NRG1: variants seen among roughly 807,000 people sequenced by gnomAD.
NRG1 encodes pro-neuregulin-1, membrane-bound isoform.
NRG1 carries 18 observed loss-of-function variants against 63.8 expected under a neutral mutation model. The observed-to-expected ratio is 0.28, with a 90% CI of 0.19 to 0.42. The LOEUF (loss-of-function observed/expected upper bound fraction) is 0.42, where lower values mean the gene tolerates loss of function less well. NRG1 is among the 10% of genes least tolerant of loss of function. NRG1 has a pLI of 1.00. For synonymous variants in NRG1, 302 were observed against 301.3 expected (o/e 1.00, Z -0.02); for missense variants, 762 against 814.7 (o/e 0.94, Z 0.79).
chr8:31,723,033 A>T (rs1563329504), intron 1 of NRG1, among the ~76,000 whole-genome samples: 1 of 152,200 alleles, frequency 6.6e-6, no homozygotes, highest in Non-Finnish European at 1.5e-5. Context: ...GAAATCTTAT[A>T]TTGATGAACT....
chr8:31,904,681 A>G (rs765747446), intron 1 of NRG1, among the ~76,000 whole-genome samples: 6 of 152,214 alleles, frequency 3.9e-5, no homozygotes, highest in Non-Finnish European at 7.3e-5. Flanking sequence ...ATACATCATC[A>G]AATACTATGC....
intron 1 of NRG1, among the ~76,000 whole-genome samples, chr8:31,956,263 AG>A (rs1257438459): frequency 6.6e-6 from 1 of 152,066 alleles, no homozygotes; most frequent in African/African-American, 2.4e-5. Flanking sequence ...GATAAGTATG[AG>A]GTAATGTGAA....
intron 1 of NRG1, among the ~76,000 whole-genome samples, chr8:31,723,998 T>C (rs1279193644): frequency 6.6e-6 from 1 of 152,128 alleles, no homozygotes; most frequent in Non-Finnish European, 1.5e-5. Flanking sequence ...AGTCAGTATT[T>C]GCTTGGTCAC....
chr8:31,669,679 T>G (rs1476482639), intron 1 of NRG1, among the ~76,000 whole-genome samples: 2 of 152,244 alleles, frequency 1.3e-5, no homozygotes, highest in Non-Finnish European at 2.9e-5. Context: ...TGACTCTGAA[T>G]TTATATGCTA....
intron 1 of NRG1, among the ~76,000 whole-genome samples, chr8:32,031,392 A>C (rs1320895837): frequency 6.6e-6 from 1 of 151,974 alleles, no homozygotes; most frequent in African/African-American, 2.4e-5. Flanking sequence ...CTTACTCTTC[A>C]CTTTGTTGTT....
intron 1 of NRG1, among the ~76,000 whole-genome samples, chr8:31,991,808 T>A (rs1811142428): frequency 6.6e-6 from 1 of 151,958 alleles, no homozygotes; most frequent in African/African-American, 2.4e-5. Flanking sequence ...CTTTCTTTCA[T>A]TTTTTTCCCA....
At chr8:31,783,085 C>A (rs905537302) in intron 1 of NRG1, among the ~76,000 whole-genome samples, 1 of 151,976 alleles carries the variant, frequency 6.6e-6, no homozygotes, top group Non-Finnish European at 1.5e-5. Flanking sequence ...TGTATGCAGA[C>A]ATAAATATAG....
intron 1 of NRG1, among the ~76,000 whole-genome samples, chr8:31,813,516 C>CTTTTCTTTTTTTTTT: frequency 7.9e-5 from 8 of 101,210 alleles, no homozygotes; most frequent in African/African-American, 1.5e-4. Flanking sequence ...CTTTTCTTTT[C>CTTTTCTTTTTTTTTT]TTTTTTTTTT....
At chr8:32,028,591 T>G (rs914258375) in intron 1 of NRG1, among the ~76,000 whole-genome samples, 1 of 152,186 alleles carries the variant, frequency 6.6e-6, no homozygotes, top group Non-Finnish European at 1.5e-5. Flanking sequence ...CTTATAGTAG[T>G]GTACTGAATA....
intron 1 of NRG1, among the ~76,000 whole-genome samples, chr8:31,782,799 A>G (rs958305649): frequency 1.3e-5 from 2 of 152,174 alleles, no homozygotes; most frequent in African/African-American, 4.8e-5. Flanking sequence ...AGTAGTCTAA[A>G]TTGGGGTCTC....
Position 31,640,566 on chromosome 8 carries a change from C to T in NRG1, c.37+1135C>T. The T allele has an allele frequency of 6.2e-7, 1 of 1,611,894 alleles. No homozygotes were observed. The highest frequency in any genetic ancestry group is 8.5e-7 in the Non-Finnish European group (1 of 1,179,438). On this transcript the variant is annotated intron_variant, in intron 1 of 10. Transcript: ENST00000519301. This position sits in a 1 kb window ranked among gnomAD's most constrained non-coding sequence, Gnocchi z 6.3. ...GGACCTGGGGCCACCCCGCCTTCCC[C>T]TCCTGCGGGAGGCTCAAGGAGGACA... is the stretch of plus-strand genomic sequence containing the variant.
intron 1 of NRG1, among the ~76,000 whole-genome samples, chr8:31,883,040 G>A (rs1830468141): frequency 1.3e-5 from 2 of 152,070 alleles, no homozygotes; most frequent in South Asian, 4.1e-4. Flanking sequence ...ATTGTGGGTA[G>A]CATGCTATCA....
chr8:31,903,799 A>G lies in NRG1; in HGVS notation c.37+264368A>G, dbSNP rs560022400. Among the ~76,000 whole-genome samples the G allele has an allele frequency of 1.8e-4, 28 of 152,066 alleles. No homozygotes were observed. In the East Asian group the frequency reaches 4.3e-3, roughly 24 times the overall value. On this transcript the variant is annotated intron_variant, in intron 1 of 10. Coordinates refer to the NRG1 transcript ENST00000519301. ...GGGAAACCCCGTTTCTACTAAAAAT[A>G]CAAAAATTAGCCAGGCGTGGTGATG...
intron 1 of NRG1, among the ~76,000 whole-genome samples, chr8:31,867,282 G>A (rs1447693201): frequency 6.6e-6 from 1 of 152,184 alleles, no homozygotes; most frequent in Non-Finnish European, 1.5e-5. Flanking sequence ...CTTGGGGAAA[G>A]GTGACAGAAA....
intron 1 of NRG1, among the ~76,000 whole-genome samples, chr8:31,713,455 T>C (rs1193780991): frequency 1.3e-5 from 2 of 152,164 alleles, no homozygotes; most frequent in African/African-American, 2.4e-5. Flanking sequence ...GTGTTGCATA[T>C]TGGTATATTC....
intron 1 of NRG1, among the ~76,000 whole-genome samples, chr8:31,982,664 C>T (rs1277975302): frequency 5.9e-5 from 9 of 151,990 alleles, no homozygotes; most frequent in African/African-American, 2.2e-4. Flanking sequence ...GCAAAAGGAA[C>T]AACTGAATAA....
chr8:32,490,317 A>C (rs1035463317), intron 1 of NRG1, among the ~76,000 whole-genome samples: 2 of 150,848 alleles, frequency 1.3e-5, no homozygotes, highest in Non-Finnish European at 3.0e-5. Context: ...AAAAAAAAAA[A>C]CTGGGGGCCA....
chr8:32,278,759 C>A (rs1852379438), intron 1 of NRG1, among the ~76,000 whole-genome samples: 1 of 152,174 alleles, frequency 6.6e-6, no homozygotes. Flanking sequence ...GCCCAGGCAA[C>A]AATTGCCCTC....
chr8:32,548,530 G>T (rs1199583103), exon 1 of NRG1: 1 of 1,245,726 alleles, frequency 8.0e-7, no homozygotes, highest in African/African-American at 1.6e-5. Context: ...CCCGTTCCAG[G>T]TGGCCGGACC....
Sources: allele counts gnomAD v4.1 joint callset (sites outside exome capture counted in the v4.1 genomes callset), GRCh38; gene constraint gnomAD v4.1.1; non-coding constraint Gnocchi (gnomAD v3.1); transcripts MANE v1.5; gene names NCBI Gene and HGNC (gene_info 2026-07-23, HGNC 2026-07-21).